TBC1D5: variants seen among roughly 807,000 people sequenced by gnomAD.
TBC1D5 encodes the protein TBC1 domain family, member 5.
A neutral mutation model predicts 100.3 loss-of-function variants in TBC1D5; 75 were observed. The observed-to-expected ratio is 0.75, with a 90% CI of 0.62 to 0.91. The LOEUF (loss-of-function observed/expected upper bound fraction) is 0.91. TBC1D5 is among the 40% of genes least tolerant of loss of function. TBC1D5 has a pLI of 0.00. For synonymous variants in TBC1D5, 323 were observed against 325.6 expected (o/e 0.99, Z 0.09); for missense variants, 910 against 942.4 (o/e 0.97, Z 0.45).
intron 18 of TBC1D5, among the ~76,000 whole-genome samples, chr3:17,188,513 C>A (rs1244672838): frequency 6.6e-6 from 1 of 152,162 alleles, no homozygotes; most frequent in African/African-American, 2.4e-5. Context: ...GCTGAGGTAC[C>A]AAGAACCTCG....
chr3:17,706,715 TA>T (rs1367782013), intron 1 of TBC1D5, among the ~76,000 whole-genome samples: 1 of 152,038 alleles, frequency 6.6e-6, no homozygotes, highest in Non-Finnish European at 1.5e-5. Context: ...TAATTATGCA[TA>T]ATTATATATT....
At chr3:17,722,038 C>T (rs907651264) in intron 1 of TBC1D5, among the ~76,000 whole-genome samples, 1 of 152,126 alleles carries the variant, frequency 6.6e-6, no homozygotes, top group African/African-American at 2.4e-5. Flanking sequence ...GTTGCCTGAC[C>T]TGTGAGCAAC....
chr3:17,613,098 A>G (rs2061820144), intron 2 of TBC1D5, among the ~76,000 whole-genome samples: 2 of 151,998 alleles, frequency 1.3e-5, no homozygotes, highest in African/African-American at 4.8e-5. Context: ...AAGTGTTCTC[A>G]TTGTTCAATT....
chr3:17,650,825 C>T (rs2065477931), intron 1 of TBC1D5, among the ~76,000 whole-genome samples: 1 of 152,172 alleles, frequency 6.6e-6, no homozygotes. Context: ...AAAACAGTGA[C>T]TTTGGGTACA....
intron 2 of TBC1D5, among the ~76,000 whole-genome samples, chr3:17,544,660 A>AG (rs1346729999): frequency 3.3e-5 from 5 of 152,112 alleles, no homozygotes; most frequent in Admixed American, 6.5e-5. Flanking sequence ...GAAAAAAAAA[A>AG]AAAAAAAGCA....
chr3:17,637,112 C>A (rs920243596), intron 1 of TBC1D5, among the ~76,000 whole-genome samples: 7 of 149,694 alleles, frequency 4.7e-5, no homozygotes, highest in Non-Finnish European at 8.9e-5. Context: ...ACCTCCGCCT[C>A]CTGGGTTCAA....
At chr3:17,544,605 C>G (rs1409991284) in intron 2 of TBC1D5, among the ~76,000 whole-genome samples, 1 of 146,302 alleles carries the variant, frequency 6.8e-6, no homozygotes, top group African/African-American at 2.6e-5. Flanking sequence ...GAGCCGAGAT[C>G]GCGCCACTGC....
intron 13 of TBC1D5, among the ~76,000 whole-genome samples, chr3:17,344,504 T>C (rs368544279): frequency 6.6e-6 from 1 of 151,400 alleles, no homozygotes; most frequent in Non-Finnish European, 1.5e-5. Context: ...AGGTAATTTA[T>C]AGATTCAATG....
chr3:17,325,730 G>T (rs1326318131), intron 13 of TBC1D5, among the ~76,000 whole-genome samples: 1 of 152,188 alleles, frequency 6.6e-6, no homozygotes, highest in Non-Finnish European at 1.5e-5. Flanking sequence ...ACAAGAGGCT[G>T]AACAGATCAA....
chr3:17,360,016 A>G (rs888687646), intron 13 of TBC1D5, among the ~76,000 whole-genome samples: 3 of 152,000 alleles, frequency 2.0e-5, no homozygotes, highest in African/African-American at 7.2e-5. Flanking sequence ...AAGCTTTAGA[A>G]CCTATAGTTT....
chr3:17,382,742 T>A (rs1221419778), intron 9 of TBC1D5, among the ~76,000 whole-genome samples: 1 of 151,874 alleles, frequency 6.6e-6, no homozygotes, highest in Non-Finnish European at 1.5e-5. Flanking sequence ...GTGGTACTTT[T>A]GTAGAGATGG....
intron 17 of TBC1D5, among the ~76,000 whole-genome samples, chr3:17,231,588 T>C (rs767176112): frequency 6.6e-6 from 1 of 152,172 alleles, no homozygotes; most frequent in Non-Finnish European, 1.5e-5. Flanking sequence ...AAAAAGACAC[T>C]TGGGAAAATC....
At chr3:17,246,055 G>GA (rs1399985258) in intron 16 of TBC1D5, among the ~76,000 whole-genome samples, 3 of 151,322 alleles carry the variant, frequency 2.0e-5, no homozygotes, top group African/African-American at 4.8e-5. Flanking sequence ...CTTCATAATT[G>GA]AAAAAAAATA....
chr3:17,166,721 G>A, intron 21 of TBC1D5, 46 bp downstream of exon 22: 2 of 1,569,398 alleles, frequency 1.3e-6, no homozygotes, highest in South Asian at 2.4e-5. Flanking sequence ...TTATGTGAAT[G>A]TGCTCCCTTT....
chr3:17,731,975 A>G (rs1193380122), intron 1 of TBC1D5, among the ~76,000 whole-genome samples: 5 of 152,228 alleles, frequency 3.3e-5, no homozygotes, highest in Admixed American at 2.6e-4. Flanking sequence ...GCAATCAGAT[A>G]CACAGATCTG....
chr3:17,164,592 T>C (rs1045523460), intron 21 of TBC1D5, among the ~76,000 whole-genome samples: 5 of 152,206 alleles, frequency 3.3e-5, no homozygotes, highest in Non-Finnish European at 7.3e-5. Context: ...TCTTGGCGCA[T>C]GTTCCTGGGG....
At chr3:17,468,059 G>T (rs1270834980) in intron 3 of TBC1D5, among the ~76,000 whole-genome samples, 1 of 152,164 alleles carries the variant, frequency 6.6e-6, no homozygotes, top group African/African-American at 2.4e-5. Flanking sequence ...AAATAATGAA[G>T]TGTCAAAATG....
At chr3:17,669,686 C>T (rs1434945821) in intron 1 of TBC1D5, among the ~76,000 whole-genome samples, 1 of 152,100 alleles carries the variant, frequency 6.6e-6, no homozygotes, top group Non-Finnish European at 1.5e-5. Context: ...TGGTACATGG[C>T]ACATACTAAC....
chr3:17,675,122 T>G (rs1054468777), intron 1 of TBC1D5, among the ~76,000 whole-genome samples: 24 of 152,138 alleles, frequency 1.6e-4, no homozygotes, highest in African/African-American at 5.5e-4. Context: ...ATCCCCAAAG[T>G]AATTCTATGC....
Sources: allele counts gnomAD v4.1 joint callset (sites outside exome capture counted in the v4.1 genomes callset), GRCh38; gene constraint gnomAD v4.1.1; transcripts MANE v1.5; gene names NCBI Gene and HGNC (gene_info 2026-07-23, HGNC 2026-07-21).